The following LRRC37A variants were observed in gnomAD, a reference collection of about 807,000 sequenced individuals.
LRRC37A encodes the protein leucine rich repeat containing 37A, also known as leucine-rich repeat-containing protein 37A.
A neutral mutation model predicts 35.4 loss-of-function variants in LRRC37A; 3 were observed. The observed-to-expected ratio is 0.08, with a 90% CI of 0.04 to 0.22. LRRC37A has a LOEUF of 0.22. LRRC37A is among the 10% of genes least tolerant of loss of function. The pLI is 1.00. For missense variants in LRRC37A, 67 were observed against 565.3 expected, an observed-to-expected ratio of 0.12 and a Z score of 8.94; for synonymous variants, 23 against 215.0, an observed-to-expected ratio of 0.11 and a Z score of 7.81.
At chr17:46,272,416 CT>C in the LRRC37A span, among the ~76,000 whole-genome samples, 26 of 152,168 alleles carry the variant, frequency 1.7e-4, no homozygotes, top group African/African-American at 6.0e-4. Flanking sequence ...GTTTTTCTTT[CT>C]TTTTTATTTT....
chr17:46,331,517 T>G (rs2051943508), exon 9 of LRRC37A: 1 of 1,606,276 alleles, frequency 6.2e-7, no homozygotes, highest in African/African-American at 1.4e-5. Context: ...AGGAACCATC[T>G]CTGAAAACAC....
chr17:46,335,154 C>G (rs893526501), intron 10 of LRRC37A, among the ~76,000 whole-genome samples: 1 of 45,512 alleles, frequency 2.2e-5, no homozygotes, highest in African/African-American at 3.9e-5. Flanking sequence ...GAGCTGTGAT[C>G]GTGACACCGC....
the LRRC37A span, chr17:46,268,407 G>A: frequency 1.1e-6 from 1 of 933,902 alleles, no homozygotes; most frequent in East Asian, 3.4e-5. Context: ...CAGCAAGATA[G>A]TAGATTGCAG....
At chr17:46,268,234 G>A in the LRRC37A span, among the ~76,000 whole-genome samples, 14,254 of 141,284 alleles carry the variant, frequency 0.1, 1 homozygote, top group Middle Eastern at 0.16. Flanking sequence ...GGCTAGGCTG[G>A]TCTCAAACTC....
the LRRC37A span, among the ~76,000 whole-genome samples, chr17:46,285,483 G>T: frequency 6.6e-6 from 1 of 151,818 alleles, no homozygotes; most frequent in Non-Finnish European, 1.5e-5. Flanking sequence ...CTCATGATTT[G>T]CCCACCTCAG....
chr17:46,304,930 G>A (rs1465070193), intron 3 of LRRC37A, among the ~76,000 whole-genome samples: 1 of 67,794 alleles, frequency 1.5e-5, no homozygotes, highest in Non-Finnish European at 4.6e-5. Flanking sequence ...GTGCAGTGGT[G>A]CGATCTCGGC....
At chr17:46,283,289 T>C in the LRRC37A span, among the ~76,000 whole-genome samples, 1 of 152,244 alleles carries the variant, frequency 6.6e-6, no homozygotes, top group African/African-American at 2.4e-5. Flanking sequence ...TGAAAAAACT[T>C]CAAATTCAAC....
the LRRC37A span, among the ~76,000 whole-genome samples, chr17:46,262,504 C>A: frequency 2.0e-5 from 3 of 152,230 alleles, no homozygotes; most frequent in Non-Finnish European, 4.4e-5. Flanking sequence ...TGAGCCACTG[C>A]GCCTGGCCCC....
the LRRC37A span, among the ~76,000 whole-genome samples, chr17:46,253,192 G>A: frequency 1.6e-4 from 24 of 148,144 alleles, no homozygotes; most frequent in African/African-American, 5.6e-4. Flanking sequence ...CCCAGACGGG[G>A]CGGCGGGGCA....
the LRRC37A span, among the ~76,000 whole-genome samples, chr17:46,280,552 T>C: frequency 6.6e-6 from 1 of 150,662 alleles, no homozygotes; most frequent in Non-Finnish European, 1.5e-5. Context: ...ATTTGTTTCC[T>C]TATTTTTGAT....
chr17:46,251,295 G>GT, the LRRC37A span, among the ~76,000 whole-genome samples: 1 of 143,858 alleles, frequency 7.0e-6, no homozygotes, highest in Non-Finnish European at 1.5e-5. Context: ...TTTTGCTCTT[G>GT]TTGCCCAGGC....
At chr17:46,252,161 CAAAT>C in the LRRC37A span, among the ~76,000 whole-genome samples, 1 of 152,082 alleles carries the variant, frequency 6.6e-6, no homozygotes, top group African/African-American at 2.4e-5. Context: ...TTCATTGAGC[CAAAT>C]AAATAAAGTA....
At chr17:46,250,434 G>C in the LRRC37A span, among the ~76,000 whole-genome samples, 2 of 152,266 alleles carry the variant, frequency 1.3e-5, no homozygotes, top group East Asian at 1.9e-4. Context: ...TTGAGTCAGC[G>C]GGCTGAGAAA....
At chr17:46,267,212 A>G in the LRRC37A span, 51 of 661,704 alleles carry the variant, frequency 7.7e-5, no homozygotes, top group Non-Finnish European at 1.1e-4. Flanking sequence ...AGAATCCTGC[A>G]CGCGAGATCC....
At chr17:46,319,212 A>ATTTTTTTTTTT (rs1225879085) in intron 5 of LRRC37A, among the ~76,000 whole-genome samples, 1 of 1,638 alleles carries the variant, frequency 6.1e-4, no homozygotes, top group African/African-American at 2.5e-3. Flanking sequence ...ATTGTGGTCA[A>ATTTTTTTTTTT]TTTTTTTTTT....
At chr17:46,279,338 A>G in the LRRC37A span, among the ~76,000 whole-genome samples, 1 of 150,724 alleles carries the variant, frequency 6.6e-6, no homozygotes, top group Non-Finnish European at 1.5e-5. Context: ...TGCCTACCAC[A>G]ATGCCTGGCT....
At chr17:46,254,888 T>G in the LRRC37A span, among the ~76,000 whole-genome samples, 1 of 151,894 alleles carries the variant, frequency 6.6e-6, no homozygotes, top group Non-Finnish European at 1.5e-5. Context: ...CAGGCTGGAG[T>G]GCAGTGGTGT....
the LRRC37A span, among the ~76,000 whole-genome samples, chr17:46,269,426 G>GCT: frequency 6.6e-5 from 10 of 152,332 alleles, no homozygotes; most frequent in African/African-American, 2.4e-4. Flanking sequence ...CCCAGCTGAG[G>GCT]GAGGCTGAGG....
At chr17:46,285,464 A>T in the LRRC37A span, among the ~76,000 whole-genome samples, 3 of 148,326 alleles carry the variant, frequency 2.0e-5, no homozygotes, top group East Asian at 2.1e-4. Context: ...CTGGTCTCAA[A>T]CTCCTGACCT....
Sources: gnomAD v4.1 joint callset for allele counts (sites outside exome capture counted in the v4.1 genomes callset) on GRCh38, gnomAD v4.1.1 for gene constraint, MANE v1.5 for transcripts, NCBI Gene and HGNC (gene_info 2026-07-23, HGNC 2026-07-21) for gene names.